The following SBF2 variants were observed in gnomAD, a reference collection of about 807,000 sequenced individuals.
The protein encoded by SBF2 is myotubularin-related protein 13.
A neutral mutation model predicts 225.2 loss-of-function variants in SBF2; 112 were observed. The ratio of observed to expected loss-of-function variants is 0.50; its 90% CI spans 0.43 to 0.58. The LOEUF is 0.58. Among genes scored for constraint, SBF2 ranks in the 20% least tolerant of loss-of-function variants. The probability of loss-of-function intolerance (pLI) is 0.00; values close to 1 mark genes in which losing one functional copy is unlikely to be tolerated. For synonymous variants in SBF2, 763 were observed against 773.3 expected (o/e 0.99, Z 0.22); for missense variants, 1,996 against 2,206.2 (o/e 0.90, Z 1.91).
At chr11:10,189,989 T>C (rs1482283028) in intron 2 of SBF2, among the ~76,000 whole-genome samples, 1 of 152,008 alleles carries the variant, frequency 6.6e-6, no homozygotes, top group African/African-American at 2.4e-5. Context: ...CTGTCTCTAC[T>C]AAAAATACAA....
At chr11:9,997,025 A>G (rs1282562708) in intron 9 of SBF2, among the ~76,000 whole-genome samples, 2 of 152,206 alleles carry the variant, frequency 1.3e-5, no homozygotes, top group African/African-American at 4.8e-5. Flanking sequence ...TGCATTTCAG[A>G]TTACAAATTA....
chr11:9,976,324 G>C (rs1054632822), intron 13 of SBF2, among the ~76,000 whole-genome samples: 2 of 151,922 alleles, frequency 1.3e-5, no homozygotes, highest in Non-Finnish European at 2.9e-5. Flanking sequence ...TGCCCGCCTC[G>C]GTCTTCCAAA....
At chr11:9,854,097 C>T (rs1438723174) in intron 19 of SBF2, among the ~76,000 whole-genome samples, 1 of 152,220 alleles carries the variant, frequency 6.6e-6, no homozygotes, top group Non-Finnish European at 1.5e-5. Context: ...TTAATTATTA[C>T]ATAGAGAACA....
intron 2 of SBF2, among the ~76,000 whole-genome samples, chr11:10,186,288 A>G (rs1168254854): frequency 6.6e-6 from 1 of 152,112 alleles, no homozygotes; most frequent in East Asian, 1.9e-4. Flanking sequence ...CTGTAATCTC[A>G]GTGCTTTGGG....
At chr11:10,200,578 A>G (rs1430259023) in intron 1 of SBF2, among the ~76,000 whole-genome samples, 2 of 152,132 alleles carry the variant, frequency 1.3e-5, no homozygotes, top group African/African-American at 4.8e-5. Flanking sequence ...TGTACAAAAG[A>G]TTTTTCAGAC....
At chr11:9,855,157 T>C (rs1460109249) in intron 19 of SBF2, among the ~76,000 whole-genome samples, 1 of 152,004 alleles carries the variant, frequency 6.6e-6, no homozygotes, top group Admixed American at 6.6e-5. Flanking sequence ...GGGCTTGAAG[T>C]GATAAAGGCC....
intron 18 of SBF2, among the ~76,000 whole-genome samples, chr11:9,856,952 T>G (rs576884522): frequency 6.6e-6 from 1 of 152,156 alleles, no homozygotes; most frequent in African/African-American, 2.4e-5. Context: ...CACGCCCAGC[T>G]AATTTTTTGT....
At chr11:9,926,570 A>G (rs1455006585) in intron 16 of SBF2, among the ~76,000 whole-genome samples, 17 of 152,196 alleles carry the variant, frequency 1.1e-4, no homozygotes, top group African/African-American at 4.1e-4. Flanking sequence ...TAGAAGTTAG[A>G]AAGCATTAAG....
chr11:9,880,986 C>T (rs1316732562), intron 17 of SBF2, among the ~76,000 whole-genome samples: 1 of 152,122 alleles, frequency 6.6e-6, no homozygotes, highest in Non-Finnish European at 1.5e-5. Flanking sequence ...ATGCCTTAAT[C>T]CTTTTACTGC....
chr11:10,234,367 T>C (rs1297472747), intron 1 of SBF2, among the ~76,000 whole-genome samples: 2 of 152,200 alleles, frequency 1.3e-5, no homozygotes, highest in Non-Finnish European at 2.9e-5. Flanking sequence ...ATTTATTTTA[T>C]TAAAAAGTGT....
At chr11:10,128,532 C>T (rs955562498) in intron 2 of SBF2, among the ~76,000 whole-genome samples, 3 of 152,174 alleles carry the variant, frequency 2.0e-5, no homozygotes, top group Admixed American at 6.5e-5. Flanking sequence ...CTGTTTCAGT[C>T]CCTGCCTATT....
chr11:9,837,953 G>C (rs1855837852), intron 26 of SBF2: 1 of 151,130 alleles, frequency 6.6e-6, no homozygotes. Flanking sequence ...GGCCAGGATG[G>C]TCTCCATCTC....
At chr11:9,829,323 G>T in intron 28 of SBF2, 33 bp downstream of exon 28, 1 of 1,609,242 alleles carries the variant, frequency 6.2e-7, no homozygotes, top group Non-Finnish European at 8.5e-7. Flanking sequence ...TTCATTAGAA[G>T]CTGTCAAGAA....
chr11:10,255,966 G>A (rs1213975009), intron 1 of SBF2, among the ~76,000 whole-genome samples: 1 of 152,166 alleles, frequency 6.6e-6, no homozygotes, highest in African/African-American at 2.4e-5. Flanking sequence ...TGTCAAATCA[G>A]TCAACACCAT....
At chr11:9,840,726 A>G (rs1444307519) in intron 25 of SBF2, among the ~76,000 whole-genome samples, 1 of 152,188 alleles carries the variant, frequency 6.6e-6, no homozygotes, top group Non-Finnish European at 1.5e-5. Flanking sequence ...AGTTCACTAG[A>G]GGGAAAAATA....
intron 20 of SBF2, among the ~76,000 whole-genome samples, chr11:9,853,018 C>A (rs1857068589): frequency 6.6e-6 from 1 of 152,062 alleles, no homozygotes; most frequent in Middle Eastern, 3.2e-3. Context: ...TGTCCATCAA[C>A]AGATGAATGG....
intron 12 of SBF2, among the ~76,000 whole-genome samples, chr11:9,991,959 G>T (rs964186908): frequency 6.6e-6 from 1 of 152,014 alleles, no homozygotes; most frequent in Admixed American, 6.5e-5. Context: ...ACTGACAAAA[G>T]AATTACTGTA....
At chr11:10,167,483 CA>C (rs1956012903) in intron 2 of SBF2, among the ~76,000 whole-genome samples, 1 of 151,964 alleles carries the variant, frequency 6.6e-6, no homozygotes, top group Non-Finnish European at 1.5e-5. Context: ...GTGGGAGGAT[CA>C]CTTGAGCTCA....
Position 9,845,622 on chromosome 11 carries a change from C to A in SBF2, c.3053G>T (p.Gly1018Val). 1 of 1,613,870 alleles carries A rather than the reference C, an allele frequency of 6.2e-7. No homozygotes were observed. Among genetic ancestry groups the A allele is most frequent in the African/African-American group, 1.3e-5 (1 of 75,018 alleles). ...TAAAATTATTTGTGGGGTAGTTTGT[C>A]CAGCAGCAAAAGCAAAGGTACTGAA... ...SIFSTFAFAA[G>V]QTTPQIILPK... The change falls in exon 24 of 40, where the codon GGA (glycine) becomes GTA (valine). Residue 1018 changes from glycine to valine, a missense_variant. Transcript: ENST00000256190.
Sources: allele counts gnomAD v4.1 joint callset (sites outside exome capture counted in the v4.1 genomes callset), GRCh38; gene constraint gnomAD v4.1.1; transcripts MANE v1.5; gene names NCBI Gene and HGNC (gene_info 2026-07-23, HGNC 2026-07-21).